Variants in ARHGAP44 observed in about 807,000 individuals in gnomAD.
ARHGAP44 encodes the protein rho GTPase-activating protein 44.
A neutral mutation model predicts 106.8 loss-of-function variants in ARHGAP44; 43 were observed. That is an observed-to-expected ratio of 0.40 (90% CI 0.32 to 0.52). ARHGAP44 has a LOEUF of 0.52. ARHGAP44 is among the 20% of genes least tolerant of loss of function. The pLI, the probability that ARHGAP44 is intolerant of heterozygous loss-of-function variation, is 0.48. For synonymous variants in ARHGAP44, 439 were observed against 410.3 expected (o/e 1.07, Z -0.85); for missense variants, 866 against 1,050.5 (o/e 0.82, Z 2.43).
At chr17:12,939,798 T>C (rs1165055638) in intron 7 of ARHGAP44, among the ~76,000 whole-genome samples, 2 of 152,236 alleles carry the variant, frequency 1.3e-5, no homozygotes, top group Non-Finnish European at 2.9e-5. Context: ...TCTTTCTTTA[T>C]TCTGTGAAAC....
At chr17:12,842,414 CAAA>C (rs558245390) in intron 1 of ARHGAP44, among the ~76,000 whole-genome samples, 1,474 of 56,386 alleles carry the variant, frequency 0.026, 20 homozygotes, top group African/African-American at 0.069. Flanking sequence ...GAGACCATCT[CAAA>C]AAAAAAAAAA....
chr17:12,842,557 G>T (rs931859135), intron 1 of ARHGAP44, among the ~76,000 whole-genome samples: 3 of 152,158 alleles, frequency 2.0e-5, no homozygotes, highest in African/African-American at 7.2e-5. Context: ...CCACCTGGAG[G>T]ACTCCACCCC....
rs952057999 is a variant in ARHGAP44 at position 12,789,805 on chromosome 17, C to T, written c.-34C>T. On this transcript the variant is annotated 5_prime_UTR_variant, in exon 1 of 21. Coordinates refer to ENST00000379672, the MANE Select transcript of ARHGAP44 (RefSeq NM_014859.6). ...GGGCTCCGGGCTGCTCCGTCCTTCC[C>T]CAGCTCCCGGGCTAGCGCGGCAGCG... is the stretch of plus-strand genomic sequence containing the variant. 14 of 1,492,866 alleles carry T rather than the reference C, an allele frequency of 9.4e-6. No individual in the cohort carries two copies. In the African/African-American group the frequency reaches 1.9e-4, roughly 20 times the overall value. The allele number at this position is 1,492,866 out of a possible 1,614,324, so 92.5% of individuals were successfully genotyped here.
chr17:12,879,521 G>T (rs1174360106), intron 1 of ARHGAP44, among the ~76,000 whole-genome samples: 1 of 152,082 alleles, frequency 6.6e-6, no homozygotes, highest in Non-Finnish European at 1.5e-5. Flanking sequence ...TAATTTGCAT[G>T]TAGTTGATGT....
At chr17:12,853,916 A>G (rs781407755) in intron 1 of ARHGAP44, among the ~76,000 whole-genome samples, 1 of 151,936 alleles carries the variant, frequency 6.6e-6, no homozygotes, top group Non-Finnish European at 1.5e-5. Context: ...TCTTGTCCCA[A>G]TTCCCCATTT....
chr17:12,848,186 T>C (rs1350267848), intron 1 of ARHGAP44, among the ~76,000 whole-genome samples: 1 of 152,176 alleles, frequency 6.6e-6, no homozygotes, highest in Non-Finnish European at 1.5e-5. Flanking sequence ...AAGAATAGAA[T>C]GGAAAATGTG....
intron 1 of ARHGAP44, among the ~76,000 whole-genome samples, chr17:12,801,387 G>A (rs2034089581): frequency 6.6e-6 from 1 of 152,222 alleles, no homozygotes; most frequent in Admixed American, 6.5e-5. Context: ...AGGTTCTGGT[G>A]TCTCCCCCAT....
At chr17:12,908,377 A>G (rs1177909302) in intron 3 of ARHGAP44, among the ~76,000 whole-genome samples, 2 of 151,870 alleles carry the variant, frequency 1.3e-5, no homozygotes. Flanking sequence ...TTATGTTATT[A>G]GTAGAGACGG....
chr17:12,792,901 A>T (rs1172501267), intron 1 of ARHGAP44, among the ~76,000 whole-genome samples: 1 of 152,222 alleles, frequency 6.6e-6, no homozygotes, highest in Non-Finnish European at 1.5e-5. Context: ...GATAAAACCC[A>T]TTGTATTTAA....
At chr17:12,889,900 C>G (rs1307185686) in intron 1 of ARHGAP44, among the ~76,000 whole-genome samples, 11 of 152,248 alleles carry the variant, frequency 7.2e-5, no homozygotes, top group African/African-American at 2.7e-4. Context: ...CTGGTTCCAA[C>G]TAAGTCCAAA....
intron 17 of ARHGAP44, 65 bp from the exon 18 acceptor site, chr17:12,974,024 G>A: frequency 6.7e-7 from 1 of 1,483,776 alleles, no homozygotes; most frequent in East Asian, 2.5e-5. Flanking sequence ...TGAATGTGGG[G>A]GAGGGAGCCT....
chr17:12,886,236 A>G (rs1357604670), intron 1 of ARHGAP44, among the ~76,000 whole-genome samples: 1 of 152,108 alleles, frequency 6.6e-6, no homozygotes, highest in Non-Finnish European at 1.5e-5. Flanking sequence ...TTGATTGACT[A>G]CTTAATTTTA....
intron 1 of ARHGAP44, among the ~76,000 whole-genome samples, chr17:12,840,967 C>G (rs1231859711): frequency 1.3e-5 from 2 of 152,106 alleles, no homozygotes; most frequent in East Asian, 1.9e-4. Flanking sequence ...AGGACTCTGA[C>G]CTTGGCCTGG....
Position 12,949,614 on chromosome 17 carries a change from TA to T in ARHGAP44, c.974-33del, listed in dbSNP as rs2038945163. 6.2e-7 allele frequency: 1 copy of T among 1,605,932 alleles called. No homozygotes were observed. The highest frequency in any genetic ancestry group is 8.5e-7 in the Non-Finnish European group (1 of 1,173,320). ...GGTGGGTCTTGCCTCTGCCACATCATAACAGTTCACAACCAATATTTCATTC... is the reference window on the plus strand; with the variant it reads ...GGTGGGTCTTGCCTCTGCCACATCATACAGTTCACAACCAATATTTCATTC... On this transcript the variant is annotated intron_variant, in intron 11 of 20. Coordinates refer to ENST00000379672, the MANE Select transcript of ARHGAP44 (RefSeq NM_014859.6). This position sits in a 1 kb window ranked among gnomAD's most constrained non-coding sequence, Gnocchi z 4.1.
intron 1 of ARHGAP44, among the ~76,000 whole-genome samples, chr17:12,820,031 G>A (rs543186890): frequency 6.6e-6 from 1 of 152,140 alleles, no homozygotes; most frequent in South Asian, 2.1e-4. Flanking sequence ...GGCTTTATTA[G>A]TTTACATTTA....
At chr17:12,834,628 G>A (rs1486160256) in intron 1 of ARHGAP44, among the ~76,000 whole-genome samples, 2 of 152,098 alleles carry the variant, frequency 1.3e-5, no homozygotes, top group Admixed American at 6.5e-5. Context: ...ACATAGTTCC[G>A]TTACTAAAAT....
intron 7 of ARHGAP44, 41 bp downstream of exon 7, chr17:12,929,087 G>A: frequency 1.2e-5 from 19 of 1,544,552 alleles, no homozygotes; most frequent in Non-Finnish European, 1.7e-5. Flanking sequence ...GACAGGCTGG[G>A]GAGCCCTCAG....
chr17:12,870,606 C>T (rs1346292730), intron 1 of ARHGAP44, among the ~76,000 whole-genome samples: 5 of 152,196 alleles, frequency 3.3e-5, no homozygotes, highest in Non-Finnish European at 7.3e-5. Context: ...GATCCAGCTC[C>T]TAGTCCTGCT....
chr17:12,797,179 T>C (rs1336480168), intron 1 of ARHGAP44, among the ~76,000 whole-genome samples: 3 of 152,220 alleles, frequency 2.0e-5, no homozygotes, highest in Admixed American at 6.5e-5. Flanking sequence ...TTGTGGTTTG[T>C]TCTTCAGTGT....
Sources: allele counts gnomAD v4.1 joint callset (sites outside exome capture counted in the v4.1 genomes callset), GRCh38; gene constraint gnomAD v4.1.1; non-coding constraint Gnocchi (gnomAD v3.1); transcripts MANE v1.5; gene names NCBI Gene and HGNC (gene_info 2026-07-23, HGNC 2026-07-21).